Variants in HIPK3 observed in about 807,000 individuals in gnomAD.
HIPK3 encodes homeodomain interacting protein kinase 3.
HIPK3 carries 47 observed loss-of-function variants against 124.2 expected under a neutral mutation model. The observed-to-expected ratio is 0.38, with a 90% confidence interval of 0.30 to 0.48. The LOEUF (loss-of-function observed/expected upper bound fraction) is 0.48. Ranked by LOEUF, HIPK3 falls within the 20% of genes least tolerant of loss-of-function variation. The pLI, the probability that HIPK3 is intolerant of heterozygous loss-of-function variation, is 0.98. For synonymous variants in HIPK3, 482 were observed against 515.2 expected, an observed-to-expected ratio of 0.94 and a Z score of 0.87; for missense variants, 1,286 against 1,454.3, an observed-to-expected ratio of 0.88 and a Z score of 1.88.
intron 2 of HIPK3, among the ~76,000 whole-genome samples, chr11:33,306,491 A>G (rs1190434370): frequency 6.6e-6 from 1 of 152,150 alleles, no homozygotes; most frequent in Non-Finnish European, 1.5e-5. Context: ...ATTAAGTCAT[A>G]AAACCATGAA....
intron 2 of HIPK3, among the ~76,000 whole-genome samples, chr11:33,313,352 T>G (rs1353865395): frequency 1.3e-5 from 2 of 152,214 alleles, no homozygotes; most frequent in Non-Finnish European, 2.9e-5. Flanking sequence ...GTTGGCAACA[T>G]TGAATTGTAA....
At chr11:33,308,613 GGTGTGTGTGTGTGTGT>G (rs10628141) in intron 2 of HIPK3, among the ~76,000 whole-genome samples, 1 of 147,374 alleles carries the variant, frequency 6.8e-6, no homozygotes, top group Non-Finnish European at 1.5e-5. Flanking sequence ...TGTGCCTAGG[GGTGTGTGTGTGTGTGT>G]GTGTGTGTGT....
Position 33,355,969 on chromosome 11 carries a change from A to C in HIPK3, c.*2401A>C, listed in dbSNP as rs1029157886. On this transcript the variant is annotated 3_prime_UTR_variant, in exon 17 of 17. Coordinates refer to ENST00000303296, the MANE Select transcript of HIPK3 (RefSeq NM_005734.5). ...CCTCCACAGCCTTCTAATTTTATTT[A>C]TATGTTCCAGCAGATTATTAGGATC... The C allele has an allele frequency of 7.2e-5, 11 of 151,970 alleles. No individual in the cohort carries two copies. The highest frequency in any genetic ancestry group is 2.7e-4 in the African/African-American group (11 of 41,428). The allele number at this position is 151,970 out of a possible 1,614,324, so 9.4% of individuals were successfully genotyped here.
chr11:33,343,247 TTGTGTG>T (rs3884092), intron 8 of HIPK3, among the ~76,000 whole-genome samples: 3,534 of 141,422 alleles, frequency 0.025, 59 homozygotes, highest in East Asian at 0.056. Flanking sequence ...TTATTTGATT[TTGTGTG>T]TGTGTGTGTG....
At chr11:33,313,038 G>C (rs966480346) in intron 2 of HIPK3, among the ~76,000 whole-genome samples, 5 of 152,116 alleles carry the variant, frequency 3.3e-5, no homozygotes, top group African/African-American at 1.2e-4. Flanking sequence ...TTAATAGGTT[G>C]TACTTGAAAA....
intron 1 of HIPK3, among the ~76,000 whole-genome samples, chr11:33,272,990 G>A (rs1341107281): frequency 6.6e-6 from 1 of 151,046 alleles, no homozygotes; most frequent in South Asian, 2.1e-4. Context: ...GTGTGTCACC[G>A]TGCCTGGCTA....
chr11:33,329,025 A>G (rs991665233), intron 3 of HIPK3, among the ~76,000 whole-genome samples: 15 of 152,190 alleles, frequency 9.9e-5, no homozygotes, highest in African/African-American at 3.6e-4. Context: ...ACCAACTGCC[A>G]TTATTGGTGT....
In HIPK3 at chr11:33,347,877, T is replaced by C; in HGVS notation, c.2170T>C (p.Tyr724His). 4.3e-6 allele frequency: 7 copies of C among 1,614,200 alleles called. No homozygotes were observed. Among genetic ancestry groups the C allele is most frequent in the Non-Finnish European group, 5.9e-6 (7 of 1,180,014 alleles). ...GAAGATGATTTCATGCAGCAATCAT[T>C]ATAACTCAGTGATGCCGCAGCCTCT... Reference protein sequence around the residue: ...WGKMISCSNHYNSVMPQPLLT... With the variant: ...WGKMISCSNHHNSVMPQPLLT... The change falls in exon 11 of 17, where the codon TAT becomes CAT. Residue 724 changes from tyrosine (Y) to histidine (H), a missense_variant. Transcript: ENST00000303296.
chr11:33,305,420 TA>T (rs1852128281), intron 2 of HIPK3, among the ~76,000 whole-genome samples: 1 of 152,230 alleles, frequency 6.6e-6, no homozygotes, highest in Admixed American at 6.5e-5. Context: ...AATCTAAAAG[TA>T]AACAGTTCAT....
chr11:33,260,041 C>T (rs1389221404), intron 1 of HIPK3, among the ~76,000 whole-genome samples: 3 of 152,230 alleles, frequency 2.0e-5, no homozygotes, highest in Middle Eastern at 3.4e-3. Flanking sequence ...TTCCATTGAA[C>T]TAGTCATTAC....
At chr11:33,327,368 T>C (rs757879927) in intron 2 of HIPK3, among the ~76,000 whole-genome samples, 7 of 152,192 alleles carry the variant, frequency 4.6e-5, no homozygotes, top group Admixed American at 1.3e-4. Context: ...ATATCTGTCC[T>C]GTAATATGTT....
chr11:33,297,372 A>T (rs950711083), intron 2 of HIPK3, among the ~76,000 whole-genome samples: 1 of 152,112 alleles, frequency 6.6e-6, no homozygotes, highest in Non-Finnish European at 1.5e-5. Context: ...GGGATTACAG[A>T]TGTGAGCCAC....
chr11:33,325,982 C>T (rs866273647), intron 2 of HIPK3, among the ~76,000 whole-genome samples: 31 of 151,308 alleles, frequency 2.0e-4, no homozygotes, highest in African/African-American at 6.6e-4. Context: ...AGAATCTCCC[C>T]GTGGCTCTTG....
At chr11:33,283,639 G>T (rs1274184756) in intron 1 of HIPK3, among the ~76,000 whole-genome samples, 1 of 151,798 alleles carries the variant, frequency 6.6e-6, no homozygotes, top group Admixed American at 6.6e-5. Context: ...ATTGACTATG[G>T]GCCAGTTACC....
intron 2 of HIPK3, among the ~76,000 whole-genome samples, chr11:33,322,061 G>A (rs1039300627): frequency 6.6e-6 from 1 of 151,918 alleles, no homozygotes; most frequent in Non-Finnish European, 1.5e-5. Flanking sequence ...GTGCAGTGGC[G>A]CGATCTTGGC....
intron 2 of HIPK3, among the ~76,000 whole-genome samples, chr11:33,316,034 C>T (rs1327446005): frequency 6.6e-6 from 1 of 152,122 alleles, no homozygotes; most frequent in African/African-American, 2.4e-5. Flanking sequence ...AACATGTAAT[C>T]ACAACATGGA....
At chr11:33,322,200 C>T (rs943319162) in intron 2 of HIPK3, among the ~76,000 whole-genome samples, 9 of 151,988 alleles carry the variant, frequency 5.9e-5, no homozygotes, top group African/African-American at 2.2e-4. Context: ...GGGGTTTCAC[C>T]GTGTTAGCCA....
At chr11:33,275,654 C>T (rs545897911) in intron 1 of HIPK3, among the ~76,000 whole-genome samples, 1 of 152,278 alleles carries the variant, frequency 6.6e-6, no homozygotes, top group South Asian at 2.1e-4. Context: ...CTTGCATAGA[C>T]TGGCACTATG....
chr11:33,347,775 T>A, intron 10 of HIPK3, 22 bp downstream of exon 10: 1 of 1,613,042 alleles, frequency 6.2e-7, no homozygotes, highest in Non-Finnish European at 8.5e-7. Context: ...ACAAAAGTAC[T>A]TTGTGAATAG....
Sources: gnomAD v4.1 joint callset for allele counts (sites outside exome capture counted in the v4.1 genomes callset) on GRCh38, gnomAD v4.1.1 for gene constraint, MANE v1.5 for transcripts, NCBI Gene and HGNC (gene_info 2026-07-23, HGNC 2026-07-21) for gene names.